The following SNX24 variants were observed in gnomAD, a reference collection of about 807,000 sequenced individuals.
The protein encoded by SNX24 is sorting nexin-24.
In SNX24, 22 loss-of-function variants were observed where a neutral mutation model predicts 28.7. The observed-to-expected ratio is 0.77, with a 90% CI of 0.55 to 1.10. SNX24 has a LOEUF of 1.10. Among genes scored for constraint, SNX24 ranks in the 50% least tolerant of loss-of-function variants. The pLI is 0.00. For synonymous variants in SNX24, 69 were observed against 71.5 expected (o/e 0.96, Z 0.18); for missense variants, 221 against 201.1 (o/e 1.10, Z -0.60).
intron 3 of SNX24, among the ~76,000 whole-genome samples, chr5:122,980,250 A>G (rs1156465566): frequency 6.6e-6 from 1 of 152,344 alleles, no homozygotes. Flanking sequence ...CTGTTTGCCC[A>G]TAATAGCAGA....
chr5:123,019,890 G>C (rs896652818), intron 5 of SNX24, among the ~76,000 whole-genome samples: 1 of 152,238 alleles, frequency 6.6e-6, no homozygotes, highest in South Asian at 2.1e-4. Flanking sequence ...TATGAGGCCT[G>C]ACCCTTGGTG....
chr5:123,020,013 A>C (rs1010578036), intron 5 of SNX24, among the ~76,000 whole-genome samples: 3 of 152,210 alleles, frequency 2.0e-5, no homozygotes, highest in African/African-American at 7.2e-5. Flanking sequence ...GAATTTCAGC[A>C]CTTCCAAAAT....
intron 3 of SNX24, among the ~76,000 whole-genome samples, chr5:122,962,403 T>C (rs753515590): frequency 3.3e-5 from 5 of 152,250 alleles, no homozygotes; most frequent in Admixed American, 6.5e-5. Context: ...ATATGACATA[T>C]CACCTTTAAA....
intron 1 of SNX24, among the ~76,000 whole-genome samples, chr5:122,895,334 TTTTA>T (rs2150074308): frequency 6.6e-6 from 1 of 152,334 alleles, no homozygotes; most frequent in African/African-American, 2.4e-5. Flanking sequence ...CATGTCTCTA[TTTTA>T]ACATGATGTC....
intron 3 of SNX24, among the ~76,000 whole-genome samples, chr5:122,992,551 C>G (rs193213077): frequency 1.1e-4 from 17 of 152,296 alleles, no homozygotes; most frequent in Admixed American, 2.6e-4. Flanking sequence ...ACATTATTCT[C>G]ATTAGCTAAT....
At chr5:122,949,515 G>A (rs1388255695) in intron 3 of SNX24, among the ~76,000 whole-genome samples, 1 of 152,078 alleles carries the variant, frequency 6.6e-6, no homozygotes, top group Admixed American at 6.5e-5. Context: ...AAAAAAGCAA[G>A]CACATTATTC....
chr5:122,895,153 A>G (rs1581716877), intron 1 of SNX24, among the ~76,000 whole-genome samples: 1 of 152,040 alleles, frequency 6.6e-6, no homozygotes, highest in Non-Finnish European at 1.5e-5. Context: ...CATTTAAAAT[A>G]TACATGGTTG....
intron 5 of SNX24, among the ~76,000 whole-genome samples, chr5:123,017,624 A>G (rs1044931764): frequency 6.6e-6 from 1 of 151,954 alleles, no homozygotes; most frequent in African/African-American, 2.4e-5. Context: ...TGTGGCTCCC[A>G]CAGTTCCCTC....
At chr5:122,865,466 G>A (rs1473399213) in intron 1 of SNX24, among the ~76,000 whole-genome samples, 1 of 152,140 alleles carries the variant, frequency 6.6e-6, no homozygotes, top group Non-Finnish European at 1.5e-5. Context: ...GAGTAGCTGG[G>A]ATTACAGGTG....
At chr5:122,903,140 T>C (rs1757509733) in intron 1 of SNX24, among the ~76,000 whole-genome samples, 1 of 152,014 alleles carries the variant, frequency 6.6e-6, no homozygotes, top group Admixed American at 6.6e-5. Context: ...AGCGTCTTAG[T>C]CTGTCACCCA....
In SNX24 at chr5:123,008,035, A is replaced by G; in HGVS notation, c.*286A>G. 1.8e-6 allele frequency: 2 copies of G among 1,107,286 alleles called. No homozygotes were observed. The highest frequency in any genetic ancestry group is 2.2e-6 in the Non-Finnish European group (2 of 907,260). The allele number at this position is 1,107,286 out of a possible 1,614,324, so 68.6% of individuals were successfully genotyped here. On this transcript the variant is annotated 3_prime_UTR_variant, in exon 7 of 7. Coordinates refer to ENST00000261369, the MANE Select transcript of SNX24 (RefSeq NM_014035.4). ...AAGGAGGCCACAGGAGATTCCTGGG[A>G]GCACTGGGTGTAGCAAAACAAAGCC...
chr5:122,994,159 C>G (rs1174941174), intron 3 of SNX24, among the ~76,000 whole-genome samples: 1 of 152,118 alleles, frequency 6.6e-6, no homozygotes, highest in Non-Finnish European at 1.5e-5. Flanking sequence ...GTGGTCTTGT[C>G]CAAGTTTTCA....
chr5:122,880,454 A>G (rs987461662), intron 1 of SNX24, among the ~76,000 whole-genome samples: 3 of 152,180 alleles, frequency 2.0e-5, no homozygotes, highest in African/African-American at 7.2e-5. Context: ...CCATTTTTCA[A>G]ATGAGCTTTT....
chr5:122,991,505 G>A (rs1761848634), intron 3 of SNX24, among the ~76,000 whole-genome samples: 1 of 152,050 alleles, frequency 6.6e-6, no homozygotes, highest in Non-Finnish European at 1.5e-5. Flanking sequence ...TGTCGCCCAG[G>A]CTGGAGTGCA....
intron 3 of SNX24, among the ~76,000 whole-genome samples, chr5:122,963,372 C>T (rs1760566749): frequency 6.6e-6 from 1 of 152,192 alleles, no homozygotes; most frequent in South Asian, 2.1e-4. Context: ...TCCAGAAAGC[C>T]AGCTCAAAGC....
In SNX24 at chr5:123,007,726, T is replaced by A. The variant is rs1380702033; in HGVS notation, c.487T>A (p.Tyr163Asn). Residue 163 changes from tyrosine to asparagine, a missense_variant, in exon 7 of 7, where the codon TAC (tyrosine) becomes AAC (asparagine). Transcript: ENST00000261369. Reference protein sequence around the residue: ...VIEGVLHGIFYPHLQPR With the variant: ...VIEGVLHGIFNPHLQPR ...TGAAGGAGTCCTCCATGGGATATTT[T>A]ACCCTCATCTACAGCCCAGGTAGAA... The A allele has an allele frequency of 3.7e-6, 6 of 1,601,472 alleles. No homozygotes were observed. In the Admixed American group the frequency reaches 5.3e-5, roughly 14 times the overall value.
At chr5:122,899,313 T>A (rs1392000969) in intron 1 of SNX24, among the ~76,000 whole-genome samples, 3 of 152,182 alleles carry the variant, frequency 2.0e-5, no homozygotes, top group African/African-American at 7.2e-5. Flanking sequence ...AGTGAACATG[T>A]CTTCAGCTAT....
At position 122,958,990 on chromosome 5, in the gene SNX24, A is replaced by C. The variant is rs527468111; in HGVS notation, c.249+12831A>C. 4.0e-4 allele frequency among the ~76,000 whole-genome samples: 61 copies of C among 152,320 alleles called. No homozygotes were observed. The South Asian group carries it at 0.012, about 31-fold the overall frequency. On this transcript the variant is annotated intron_variant, in intron 3 of 6. Transcript: ENST00000261369. ...GGTGTCTTTGTCTGCCTTTGGTATC[A>C]GGGTAATGCTGGCTACCTAGAATGC...
intron 2 of SNX24, among the ~76,000 whole-genome samples, chr5:122,941,216 C>T (rs976921559): frequency 6.6e-6 from 1 of 152,184 alleles, no homozygotes; most frequent in African/African-American, 2.4e-5. Context: ...TTAATCACAT[C>T]TGCAAAGCCC....
Sources: allele counts gnomAD v4.1 joint callset (sites outside exome capture counted in the v4.1 genomes callset), GRCh38; gene constraint gnomAD v4.1.1; transcripts MANE v1.5; gene names NCBI Gene and HGNC (gene_info 2026-07-23, HGNC 2026-07-21).